Variants in JAZF1 observed in about 807,000 individuals in gnomAD.
JAZF1 encodes juxtaposed with another zinc finger protein 1.
A neutral mutation model predicts 26.4 loss-of-function variants in JAZF1; 8 were observed. The observed-to-expected ratio is 0.30, with a 90% CI of 0.18 to 0.55. The LOEUF is 0.55. Among genes scored for constraint, JAZF1 ranks in the 20% least tolerant of loss-of-function variants. The pLI is 0.94. For missense variants in JAZF1, 199 were observed against 322.0 expected (o/e 0.62, Z 2.92); for synonymous variants, 126 against 122.3 (o/e 1.03, Z -0.20).
At chr7:27,839,828 T>C (rs1249429109) in intron 4 of JAZF1, among the ~76,000 whole-genome samples, 1 of 152,162 alleles carries the variant, frequency 6.6e-6, no homozygotes, top group East Asian at 1.9e-4. Context: ...ATGCTATCTT[T>C]TTTTTTAAGC....
At chr7:28,062,225 G>C (rs570922230) in intron 1 of JAZF1, among the ~76,000 whole-genome samples, 1 of 152,124 alleles carries the variant, frequency 6.6e-6, no homozygotes. Flanking sequence ...TAATGGACTG[G>C]ACTCGAAGCA....
chr7:28,000,941 AC>A (rs1486478518), intron 1 of JAZF1, among the ~76,000 whole-genome samples: 1 of 152,072 alleles, frequency 6.6e-6, no homozygotes, highest in Non-Finnish European at 1.5e-5. Flanking sequence ...CTTAATGGAG[AC>A]AAATAAATTG....
At chr7:27,882,728 G>A (rs1783794091) in intron 3 of JAZF1, among the ~76,000 whole-genome samples, 1 of 152,128 alleles carries the variant, frequency 6.6e-6, no homozygotes, top group South Asian at 2.1e-4. Context: ...GTTAAAACTT[G>A]AGCCACATGG....
intron 2 of JAZF1, among the ~76,000 whole-genome samples, chr7:27,897,477 G>A (rs866506406): frequency 6.6e-5 from 10 of 151,662 alleles, no homozygotes; most frequent in African/African-American, 2.4e-4. Flanking sequence ...CTTTCTACAC[G>A]GGAGTCTGAT....
At chr7:27,941,741 G>C (rs1034319740) in intron 2 of JAZF1, among the ~76,000 whole-genome samples, 53 of 152,258 alleles carry the variant, frequency 3.5e-4, no homozygotes, top group African/African-American at 1.2e-3. Context: ...CATACAATTA[G>C]GGGCTACAGC....
At chr7:27,967,829 A>G (rs1420969422) in intron 2 of JAZF1, among the ~76,000 whole-genome samples, 3 of 152,258 alleles carry the variant, frequency 2.0e-5, no homozygotes, top group Non-Finnish European at 4.4e-5. Flanking sequence ...GTTGGTAAGC[A>G]TGCAAAACAA....
Position 27,884,925 on chromosome 7 carries a change from T to C in JAZF1, c.385+10295A>G, listed in dbSNP as rs530792402. On this transcript the variant is annotated intron_variant, in intron 3 of 4. Transcript: ENST00000283928. The stretch of plus-strand genomic sequence containing the variant: ...CCCCGAGGAACCTATATCACACCTC[T>C]GTCAGTTTCACTCTCTCTGCCGGGC... Among the ~76,000 whole-genome samples, 4 of 152,292 alleles carry C rather than the reference T, an allele frequency of 2.6e-5. No individual in the cohort carries two copies. In the East Asian group the frequency reaches 7.7e-4, roughly 29 times the overall value.
rs558929798 is a variant in JAZF1, at chr7:27,888,854, AAAAT to A, written c.385+6362_385+6365del. On this transcript the variant is annotated intron_variant, in intron 3 of 4. Transcript: ENST00000283928. ...TGAATTTTCCCCCCCAGAGTGCGCC[AAAAT>A]ATATATACAAATATTTTCCAGGAGT... Among the ~76,000 whole-genome samples the A allele has an allele frequency of 1.8e-4, 28 of 152,310 alleles. No individual in the cohort carries two copies. The East Asian group carries it at 5.4e-3, about 29-fold the overall frequency.
At chr7:28,119,748 T>C (rs893005437) in intron 1 of JAZF1, among the ~76,000 whole-genome samples, 1 of 152,196 alleles carries the variant, frequency 6.6e-6, no homozygotes, top group Middle Eastern at 3.2e-3. Context: ...TCAACAGATA[T>C]TTACTGAATA....
chr7:27,972,605 G>C (rs1785393390), intron 2 of JAZF1, among the ~76,000 whole-genome samples: 1 of 152,118 alleles, frequency 6.6e-6, no homozygotes. Flanking sequence ...AAGAAATATA[G>C]GTCTGTAGAA....
At chr7:27,835,014 T>C (rs1411846350) in intron 4 of JAZF1, among the ~76,000 whole-genome samples, 1 of 152,192 alleles carries the variant, frequency 6.6e-6, no homozygotes, top group African/African-American at 2.4e-5. Context: ...TAATATCCCA[T>C]GTATAGCTCA....
chr7:27,934,547 C>T (rs1380476546), intron 2 of JAZF1, among the ~76,000 whole-genome samples: 1 of 152,004 alleles, frequency 6.6e-6, no homozygotes, highest in Non-Finnish European at 1.5e-5. Context: ...ATGATAAATG[C>T]AGTTTGACAG....
chr7:27,849,682 A>T (rs143991479), intron 3 of JAZF1, among the ~76,000 whole-genome samples: 1 of 151,366 alleles, frequency 6.6e-6, no homozygotes, highest in African/African-American at 2.4e-5. Flanking sequence ...GGGAGCTTCT[A>T]CTGGTTGTTG....
chr7:28,134,453 C>T (rs1220713001), intron 1 of JAZF1, among the ~76,000 whole-genome samples: 1 of 148,656 alleles, frequency 6.7e-6, no homozygotes, highest in Non-Finnish European at 1.5e-5. Flanking sequence ...GGTATGCACA[C>T]CAGCATGCCT....
chr7:28,008,322 C>T (rs1227831378), intron 1 of JAZF1, among the ~76,000 whole-genome samples: 1 of 152,002 alleles, frequency 6.6e-6, no homozygotes, highest in Admixed American at 6.6e-5. Context: ...CTTAAGAGAT[C>T]CTCCCACCTC....
chr7:27,919,653 A>AAAGAGGGGTG (rs1275825655), intron 2 of JAZF1, among the ~76,000 whole-genome samples: 1 of 152,168 alleles, frequency 6.6e-6, no homozygotes, highest in East Asian at 1.9e-4. Flanking sequence ...AAGTCATACA[A>AAAGAGGGGTG]AAGAGGGGTG....
chr7:28,134,649 T>TAC (rs10627964), intron 1 of JAZF1, among the ~76,000 whole-genome samples: 113,022 of 151,312 alleles, frequency 0.75, 42,514 homozygotes, highest in East Asian at 0.98. Flanking sequence ...ATTTGTCTTT[T>TAC]TGAAGAAATA....
intron 2 of JAZF1, among the ~76,000 whole-genome samples, chr7:27,946,257 A>T (rs1240765370): frequency 6.6e-6 from 1 of 152,214 alleles, no homozygotes; most frequent in East Asian, 1.9e-4. Flanking sequence ...AGATATGTTT[A>T]AATCTGTAGT....
chr7:27,927,420 A>G (rs1419439644), intron 2 of JAZF1, among the ~76,000 whole-genome samples: 2 of 152,234 alleles, frequency 1.3e-5, no homozygotes, highest in African/African-American at 4.8e-5. Context: ...CTCTGTGACA[A>G]TGGACAAGTT....
Sources: gnomAD v4.1 joint callset for allele counts (sites outside exome capture counted in the v4.1 genomes callset) on GRCh38, gnomAD v4.1.1 for gene constraint, MANE v1.5 for transcripts, NCBI Gene and HGNC (gene_info 2026-07-23, HGNC 2026-07-21) for gene names.